The following PLCB4 variants were observed in gnomAD, a reference collection of about 807,000 sequenced individuals.
PLCB4 encodes 1-phosphatidylinositol 4,5-bisphosphate phosphodiesterase beta-4.
A neutral mutation model predicts 178.8 loss-of-function variants in PLCB4; 77 were observed. The ratio of observed to expected loss-of-function variants is 0.43; its 90% CI spans 0.36 to 0.52. The LOEUF (loss-of-function observed/expected upper bound fraction) is 0.52. Among genes scored for constraint, PLCB4 ranks in the 20% least tolerant of loss-of-function variants. PLCB4 has a pLI of 0.00. For missense variants in PLCB4, 1,024 were observed against 1,453.4 expected (o/e 0.70, Z 4.80); for synonymous variants, 496 against 490.8 (o/e 1.01, Z -0.14).
At chr20:9,179,216 G>A (rs1422289911) in intron 2 of PLCB4, among the ~76,000 whole-genome samples, 2 of 152,122 alleles carry the variant, frequency 1.3e-5, no homozygotes, top group Non-Finnish European at 2.9e-5. Flanking sequence ...TTGTGCAGGT[G>A]GATAGGGTGG....
chr20:9,379,928 C>T, intron 12 of PLCB4, 126 bp from the exon 13 acceptor site: 1 of 557,598 alleles, frequency 1.8e-6, no homozygotes, highest in Non-Finnish European at 3.2e-6. Context: ...GCAGTGAGGT[C>T]CTATCTTTGT....
chr20:9,470,194 G>A (rs1355678534), intron 36 of PLCB4, among the ~76,000 whole-genome samples: 6 of 152,064 alleles, frequency 3.9e-5, no homozygotes, highest in Non-Finnish European at 1.5e-5. Context: ...AGCTGGGTGT[G>A]GTGGTACCTG....
intron 3 of PLCB4, among the ~76,000 whole-genome samples, chr20:9,256,390 A>G (rs6039427): frequency 0.029 from 4,386 of 152,278 alleles, 222 homozygotes; most frequent in African/African-American, 0.1. Flanking sequence ...ACTCCCAGCA[A>G]GGAGAAAAAA....
At chr20:9,197,697 C>T (rs907171060) in intron 2 of PLCB4, among the ~76,000 whole-genome samples, 31 of 152,200 alleles carry the variant, frequency 2.0e-4, no homozygotes, top group African/African-American at 6.3e-4. Context: ...TAAACCAGGC[C>T]GGGCGCGGTG....
intron 2 of PLCB4, among the ~76,000 whole-genome samples, chr20:9,182,593 A>G (rs1394496864): frequency 1.3e-5 from 2 of 152,186 alleles, no homozygotes; most frequent in East Asian, 3.9e-4. Context: ...TGTAATAGCA[A>G]GTGACAGGGA....
chr20:9,457,473 C>A lies in PLCB4; in HGVS notation c.3056C>A (p.Ser1019Ter). 2 of 1,515,690 alleles carry A rather than the reference C, an allele frequency of 1.3e-6. No homozygotes were observed. The highest frequency in any genetic ancestry group is 1.8e-6 in the Non-Finnish European group (2 of 1,090,428). The allele number at this position is 1,515,690 out of a possible 1,614,324, so 93.9% of individuals were successfully genotyped here. The change falls in exon 34 of 40, where the codon TCA (serine) becomes TAA (stop). Residue 1019 changes from serine to a stop codon, truncating the protein, a stop_gained. Coordinates refer to ENST00000378473, the MANE Select transcript of PLCB4 (RefSeq NM_001377142.1). LOFTEE classifies it high-confidence loss of function. ...GAAATCAAAATTCAGACGCTGACAT[C>A]AGATCACAAATCTAAGGTAAGAAAA... The part of the protein sequence containing the change: ...ETEIKIQTLT[S>*]DHKSKVKEIV...
intron 3 of PLCB4, among the ~76,000 whole-genome samples, chr20:9,300,340 A>G (rs1010218655): frequency 5.3e-5 from 8 of 152,096 alleles, no homozygotes; most frequent in African/African-American, 1.9e-4. Context: ...TTTGTTATGG[A>G]AATTTTTTTG....
At chr20:9,235,597 G>A (rs971871829) in intron 3 of PLCB4, among the ~76,000 whole-genome samples, 25 of 152,162 alleles carry the variant, frequency 1.6e-4, no homozygotes, top group Non-Finnish European at 2.9e-4. Flanking sequence ...GCTCAGCATT[G>A]ATTGTGAGGC....
At chr20:9,158,469 A>G (rs2092827307) in intron 2 of PLCB4, among the ~76,000 whole-genome samples, 2 of 148,810 alleles carry the variant, frequency 1.3e-5, no homozygotes, top group South Asian at 4.2e-4. Context: ...GGATTTTACC[A>G]TGCTGGCCAG....
At chr20:9,099,354 C>T (rs1021909767) in intron 2 of PLCB4, among the ~76,000 whole-genome samples, 7 of 152,098 alleles carry the variant, frequency 4.6e-5, no homozygotes, top group African/African-American at 1.7e-4. Flanking sequence ...GAGGAACTTT[C>T]TTCTATAAAC....
chr20:9,418,476 G>C (rs2040404150), intron 25 of PLCB4, among the ~76,000 whole-genome samples: 1 of 152,118 alleles, frequency 6.6e-6, no homozygotes, highest in Admixed American at 6.5e-5. Flanking sequence ...ATTGGCCATA[G>C]ATAACGTGGA....
At chr20:9,441,613 G>T (rs2042107824) in intron 30 of PLCB4, among the ~76,000 whole-genome samples, 2 of 152,124 alleles carry the variant, frequency 1.3e-5, no homozygotes, top group Non-Finnish European at 2.9e-5. Flanking sequence ...AGAAACTCTG[G>T]GGGCTGGTAT....
At chr20:9,270,209 G>A (rs984948571) in intron 3 of PLCB4, among the ~76,000 whole-genome samples, 1 of 152,242 alleles carries the variant, frequency 6.6e-6, no homozygotes, top group African/African-American at 2.4e-5. Flanking sequence ...GGTACAAACA[G>A]TAAAATTCAT....
chr20:9,129,578 T>C (rs1353034920), intron 2 of PLCB4, among the ~76,000 whole-genome samples: 2 of 152,150 alleles, frequency 1.3e-5, no homozygotes, highest in Non-Finnish European at 2.9e-5. Context: ...GTTAAAAAGG[T>C]GCACTGTGAA....
At chr20:9,473,140 T>C (rs1466031723) in intron 37 of PLCB4, 139 bp from the exon 38 acceptor site, 2 of 578,410 alleles carry the variant, frequency 3.5e-6, no homozygotes, top group Non-Finnish European at 3.0e-6. Flanking sequence ...GAGTTTAAAC[T>C]CTCCAAATTT....
rs115726028 is a variant in PLCB4 at position 9,164,546 on chromosome 20, T to C, written c.-78-52844T>C. ...TTGACTGATTAGAATCTATATAAACTGAAGACATTTTAAAATTATATTAAA... is the reference window on the plus strand; with the variant it reads ...TTGACTGATTAGAATCTATATAAACCGAAGACATTTTAAAATTATATTAAA... On this transcript the variant is annotated intron_variant, in intron 2 of 39. Coordinates refer to ENST00000378473, the MANE Select transcript of PLCB4 (RefSeq NM_001377142.1). 3.6e-3 allele frequency among the ~76,000 whole-genome samples: 547 copies of C among 152,290 alleles called. 5 individuals are homozygous for C. Among genetic ancestry groups the C allele is most frequent in the African/African-American group, 0.012 (519 of 41,556 alleles).
chr20:9,157,257 C>G (rs1444246617), intron 2 of PLCB4, among the ~76,000 whole-genome samples: 1 of 151,614 alleles, frequency 6.6e-6, no homozygotes, highest in African/African-American at 2.4e-5. Context: ...TACCAACTTG[C>G]CTTTTATATT....
At chr20:9,231,120 G>GT (rs1266459561) in intron 3 of PLCB4, among the ~76,000 whole-genome samples, 1 of 152,150 alleles carries the variant, frequency 6.6e-6, no homozygotes, top group African/African-American at 2.4e-5. Flanking sequence ...TCTTAACAAC[G>GT]TTGGTTGGCT....
intron 3 of PLCB4, among the ~76,000 whole-genome samples, chr20:9,294,127 G>A (rs1185599875): frequency 6.6e-6 from 1 of 152,126 alleles, no homozygotes; most frequent in African/African-American, 2.4e-5. Context: ...TTTGCTGGTT[G>A]ACTCTTACCC....
Sources: allele counts gnomAD v4.1 joint callset (sites outside exome capture counted in the v4.1 genomes callset), GRCh38; gene constraint gnomAD v4.1.1; transcripts MANE v1.5; gene names NCBI Gene and HGNC (gene_info 2026-07-23, HGNC 2026-07-21).